Variants in STK39 observed in about 807,000 individuals in gnomAD.
STK39 encodes STE20/SPS1-related proline-alanine-rich protein kinase.
Under a neutral mutation model 77.8 loss-of-function variants are expected in STK39, and 20 were observed. The observed-to-expected ratio is 0.26, with a 90% confidence interval of 0.18 to 0.37. The LOEUF (loss-of-function observed/expected upper bound fraction) is 0.37, where lower values mean the gene tolerates loss of function less well. STK39 is among the 10% of genes least tolerant of loss of function. The pLI is 1.00. For synonymous variants in STK39, 246 were observed against 234.1 expected (o/e 1.05, Z -0.47); for missense variants, 479 against 656.5 (o/e 0.73, Z 2.95).
At chr2:168,102,319 T>G (rs184175259) in intron 10 of STK39, among the ~76,000 whole-genome samples, 9 of 152,288 alleles carry the variant, frequency 5.9e-5, no homozygotes, top group African/African-American at 1.9e-4. Context: ...CACTTGCTTT[T>G]GTCCATCTTT....
At chr2:167,977,020 T>C (rs1683292718) in intron 16 of STK39, among the ~76,000 whole-genome samples, 1 of 152,182 alleles carries the variant, frequency 6.6e-6, no homozygotes, top group Non-Finnish European at 1.5e-5. Context: ...TGAGTATTAG[T>C]ATTATTTACA....
At chr2:168,080,744 A>C (rs1031552645) in intron 10 of STK39, among the ~76,000 whole-genome samples, 1 of 152,256 alleles carries the variant, frequency 6.6e-6, no homozygotes, top group East Asian at 1.9e-4. Context: ...CAGGAAAAAA[A>C]TGGTTTCTTG....
chr2:168,065,244 C>G (rs957290927), intron 13 of STK39, 75 bp downstream of exon 13: 3 of 1,503,544 alleles, frequency 2.0e-6, no homozygotes, highest in Non-Finnish European at 2.8e-6. Context: ...AATTGTCTAT[C>G]TTTCTAAAAT....
intron 14 of STK39, among the ~76,000 whole-genome samples, chr2:168,056,013 C>CA (rs915881868): frequency 1.3e-5 from 2 of 151,538 alleles, no homozygotes; most frequent in East Asian, 3.9e-4. Context: ...ATACTATGGA[C>CA]AAAAAAAATT....
At position 168,039,546 on chromosome 2, in the gene STK39, T is replaced by C. The variant is rs1317271851; in HGVS notation, c.1377-22451A>G. On this transcript the variant is annotated intron_variant, in intron 14 of 17. Coordinates refer to ENST00000355999, the MANE Select transcript of STK39 (RefSeq NM_013233.3). ...AGCGGAGCTTGCAGTGAGCCGAGAT[T>C]GCGCCACTGCAGTCCGCAGTCCGAC... is the stretch of plus-strand genomic sequence containing the variant. Among the ~76,000 whole-genome samples, 2 of 19,178 alleles carry C rather than the reference T, an allele frequency of 1.0e-4. 1 individual carries two copies. The highest frequency in any genetic ancestry group is 2.4e-4 in the African/African-American group (2 of 8,388). 12.6% of individuals were successfully genotyped at this position (19,178 alleles called of 152,430 possible). A position where few individuals can be genotyped will look rare whatever the true frequency, so the allele number is the denominator to read the frequency against.
At chr2:168,197,364 C>G (rs1055225329) in intron 1 of STK39, among the ~76,000 whole-genome samples, 10 of 152,182 alleles carry the variant, frequency 6.6e-5, no homozygotes, top group African/African-American at 2.4e-4. Context: ...CTTCATCCAT[C>G]CCAAAACCCT....
intron 1 of STK39, among the ~76,000 whole-genome samples, chr2:168,234,429 T>C (rs1574580463): frequency 6.6e-6 from 1 of 152,334 alleles, no homozygotes; most frequent in South Asian, 2.1e-4. Context: ...GACAGTGTGG[T>C]GCTAGCCCCT....
chr2:168,241,216 G>A (rs887152102), intron 1 of STK39, among the ~76,000 whole-genome samples: 4 of 152,188 alleles, frequency 2.6e-5, no homozygotes, highest in African/African-American at 9.7e-5. Context: ...AGGGAAAGAA[G>A]GAGACAGGGA....
At chr2:167,956,297 G>A (rs1029241599) in intron 17 of STK39, among the ~76,000 whole-genome samples, 4 of 152,170 alleles carry the variant, frequency 2.6e-5, no homozygotes, top group African/African-American at 4.8e-5. Context: ...GGCGGCTCAC[G>A]CCTGTAATCC....
intron 16 of STK39, among the ~76,000 whole-genome samples, chr2:167,985,129 CA>C (rs1443369512): frequency 6.6e-6 from 1 of 152,144 alleles, no homozygotes; most frequent in Non-Finnish European, 1.5e-5. Flanking sequence ...CTAGATGATT[CA>C]TTAATTGAGA....
intron 16 of STK39, among the ~76,000 whole-genome samples, chr2:167,986,516 G>A (rs959714520): frequency 6.6e-6 from 1 of 152,176 alleles, no homozygotes; most frequent in Non-Finnish European, 1.5e-5. Flanking sequence ...TTGACTTTCA[G>A]ATTTCCATTC....
chr2:168,104,072 T>C (rs1018890273), intron 10 of STK39, among the ~76,000 whole-genome samples: 1 of 152,070 alleles, frequency 6.6e-6, no homozygotes, highest in Non-Finnish European at 1.5e-5. Flanking sequence ...AGGTACCCAA[T>C]AGTCAGAATA....
intron 5 of STK39, among the ~76,000 whole-genome samples, chr2:168,152,131 G>A (rs891890680): frequency 6.6e-6 from 1 of 152,230 alleles, no homozygotes; most frequent in Non-Finnish European, 1.5e-5. Context: ...CCAAGAGACA[G>A]CTTTTTCAAG....
At chr2:168,016,539 G>T (rs575235169) in intron 15 of STK39, among the ~76,000 whole-genome samples, 8 of 152,248 alleles carry the variant, frequency 5.3e-5, no homozygotes, top group African/African-American at 1.9e-4. Context: ...CCGCAGAGGG[G>T]GTCAAAGGGT....
At chr2:168,082,376 T>A (rs566188791) in intron 10 of STK39, among the ~76,000 whole-genome samples, 3 of 152,352 alleles carry the variant, frequency 2.0e-5, no homozygotes, top group Non-Finnish European at 2.9e-5. Context: ...TCCTATCTTA[T>A]CCTCACACTT....
intron 1 of STK39, among the ~76,000 whole-genome samples, chr2:168,205,486 A>T (rs1006046451): frequency 1.1e-4 from 17 of 152,134 alleles, no homozygotes; most frequent in Non-Finnish European, 2.2e-4. Context: ...CTGAAGCCAA[A>T]TCTAAATTAC....
intron 1 of STK39, among the ~76,000 whole-genome samples, chr2:168,214,005 G>A (rs1170687417): frequency 6.6e-6 from 1 of 152,136 alleles, no homozygotes; most frequent in Non-Finnish European, 1.5e-5. Flanking sequence ...ATAATGTTGT[G>A]TGGAAAAAGG....
intron 8 of STK39, among the ~76,000 whole-genome samples, chr2:168,131,931 G>A (rs1410669605): frequency 2.0e-5 from 3 of 152,178 alleles, no homozygotes; most frequent in Non-Finnish European, 2.9e-5. Flanking sequence ...CAGGCATTAT[G>A]CTAGGTGCTA....
At chr2:168,067,664 T>C (rs1332230521) in intron 12 of STK39, among the ~76,000 whole-genome samples, 2 of 152,214 alleles carry the variant, frequency 1.3e-5, no homozygotes, top group African/African-American at 4.8e-5. Flanking sequence ...CCTCCAAATG[T>C]CACCACTACA....
Sources: allele counts gnomAD v4.1 joint callset (sites outside exome capture counted in the v4.1 genomes callset), GRCh38; gene constraint gnomAD v4.1.1; transcripts MANE v1.5; gene names NCBI Gene and HGNC (gene_info 2026-07-23, HGNC 2026-07-21).